Variants in GALNT18 observed in about 807,000 individuals in gnomAD.
GALNT18 encodes GalNAc-transferase 18.
GALNT18 carries 44 observed loss-of-function variants against 69.5 expected under a neutral mutation model. The ratio of observed to expected loss-of-function variants is 0.63; its 90% CI spans 0.50 to 0.81. The LOEUF (loss-of-function observed/expected upper bound fraction) is 0.81. GALNT18 is among the 40% of genes least tolerant of loss of function. GALNT18 has a pLI of 0.00. For missense variants in GALNT18, 715 were observed against 810.0 expected (o/e 0.88, Z 1.42); for synonymous variants, 364 against 318.2 (o/e 1.14, Z -1.53).
At chr11:11,273,288 G>A (rs1369745271) in intron 10 of GALNT18, among the ~76,000 whole-genome samples, 2 of 152,274 alleles carry the variant, frequency 1.3e-5, no homozygotes, top group East Asian at 3.9e-4. Flanking sequence ...GAAAATATTT[G>A]CAAACTACCC....
chr11:11,540,842 A>AGATATGGTGG lies in GALNT18; in HGVS notation c.235+80507_235+80516dup, dbSNP rs530218527. On this transcript the variant is annotated intron_variant, in intron 1 of 10. Transcript: ENST00000227756. This position sits in a 1 kb window ranked among gnomAD's most constrained non-coding sequence, Gnocchi z 4.6. ...AGAAACAGGTAATTGGCAGGAAGGT[A>AGATATGGTGG]GATATGGTGGTGGTGCTGTCTATTC... Among the ~76,000 whole-genome samples, 295 of 152,314 alleles carry AGATATGGTGG rather than the reference A, an allele frequency of 1.9e-3. No homozygotes were observed. The highest frequency in any genetic ancestry group is 6.7e-3 in the African/African-American group (278 of 41,574).
Position 11,505,341 on chromosome 11 carries a change from T to A in GALNT18, c.236-56405A>T, listed in dbSNP as rs1346714460. Reference sequence around the variant, plus strand: ...CAGGAAAGGACAGACCACACTAAGATAACAGTGTGAGTTACCAGATTCTTG... The same window carrying A: ...CAGGAAAGGACAGACCACACTAAGAAAACAGTGTGAGTTACCAGATTCTTG... On this transcript the variant is annotated intron_variant, in intron 1 of 10. Coordinates refer to ENST00000227756, the MANE Select transcript of GALNT18 (RefSeq NM_198516.3). The surrounding 1 kb of genome is among the most constrained non-coding windows in gnomAD (Gnocchi z 4.6). Among the ~76,000 whole-genome samples, 1 of 150,630 alleles carries A rather than the reference T, an allele frequency of 6.6e-6. No individual in the cohort carries two copies. The highest frequency in any genetic ancestry group is 1.9e-4 in the East Asian group (1 of 5,188).
At chr11:11,278,793 A>G (rs1849003183) in intron 10 of GALNT18, among the ~76,000 whole-genome samples, 1 of 152,188 alleles carries the variant, frequency 6.6e-6, no homozygotes, top group Admixed American at 6.5e-5. Context: ...TAGTAATGCA[A>G]CAGGGTAACT....
chr11:11,580,158 C>T (rs1859041426), intron 1 of GALNT18, among the ~76,000 whole-genome samples: 1 of 152,226 alleles, frequency 6.6e-6, no homozygotes, highest in Non-Finnish European at 1.5e-5. Flanking sequence ...GCCACTAACT[C>T]ACCATTGTGA....
intron 6 of GALNT18, among the ~76,000 whole-genome samples, chr11:11,354,769 C>A (rs1269236367): frequency 6.6e-6 from 1 of 152,176 alleles, no homozygotes; most frequent in Admixed American, 6.5e-5. Flanking sequence ...GTCTCACCTT[C>A]ACTCTCATGT....
rs934446718 is a variant in GALNT18, at chr11:11,461,156, C to T, written c.236-12220G>A. Reference sequence around the variant, plus strand: ...CAGATACTACAGGATGATCTCTCTCCGTCAGAAAAATCCCACTCCACTCCT... The same window carrying T: ...CAGATACTACAGGATGATCTCTCTCTGTCAGAAAAATCCCACTCCACTCCT... On this transcript the variant is annotated intron_variant, in intron 1 of 10. Coordinates refer to ENST00000227756, the MANE Select transcript of GALNT18 (RefSeq NM_198516.3). The surrounding 1 kb of genome is among the most constrained non-coding windows in gnomAD (Gnocchi z 4.1). Among the ~76,000 whole-genome samples the T allele has an allele frequency of 3.9e-5, 6 of 152,136 alleles. No individual in the cohort carries two copies. Among genetic ancestry groups the T allele is most frequent in the East Asian group, 1.9e-4 (1 of 5,190 alleles).
At chr11:11,556,985 T>A (rs964849317) in intron 1 of GALNT18, among the ~76,000 whole-genome samples, 4 of 152,204 alleles carry the variant, frequency 2.6e-5, no homozygotes, top group African/African-American at 9.6e-5. Context: ...ATAACATTAG[T>A]CTGCCCAGGA....
intron 1 of GALNT18, among the ~76,000 whole-genome samples, chr11:11,451,813 T>A (rs896934806): frequency 1.3e-5 from 2 of 152,078 alleles, no homozygotes; most frequent in African/African-American, 4.8e-5. Flanking sequence ...AGTGAAAAGG[T>A]TAAATGTCTA....
chr11:11,409,615 T>C (rs77482422), intron 3 of GALNT18, among the ~76,000 whole-genome samples: 4,268 of 127,252 alleles, frequency 0.034, 89 homozygotes, highest in Middle Eastern at 0.053. Flanking sequence ...CCCAGCTCCA[T>C]GCTCTCCCCA....
chr11:11,428,579 C>T (rs1374535321), intron 3 of GALNT18, among the ~76,000 whole-genome samples: 8 of 152,232 alleles, frequency 5.3e-5, no homozygotes. Flanking sequence ...GGAGGCAACT[C>T]TTGCTTCTGT....
chr11:11,546,074 T>C lies in GALNT18; in HGVS notation c.235+75285A>G, dbSNP rs1481610675. On this transcript the variant is annotated intron_variant, in intron 1 of 10. Coordinates refer to ENST00000227756, the MANE Select transcript of GALNT18 (RefSeq NM_198516.3). This position sits in a 1 kb window ranked among gnomAD's most constrained non-coding sequence, Gnocchi z 5.8. ...TTAGGCCCCTCTTCTCCCCAGCCAC[T>C]CAGCCAAGCTGCCACTATAATTCCT... Among the ~76,000 whole-genome samples, 6 of 152,060 alleles carry C rather than the reference T, an allele frequency of 3.9e-5. No homozygotes were observed. The highest frequency in any genetic ancestry group is 7.4e-5 in the Non-Finnish European group (5 of 68,004).
intron 3 of GALNT18, among the ~76,000 whole-genome samples, chr11:11,393,911 C>T (rs139200629): frequency 3.4e-4 from 52 of 152,354 alleles, no homozygotes; most frequent in African/African-American, 1.1e-3. Context: ...CTCCTTCTCA[C>T]TTCATGTCCT....
At chr11:11,510,394 G>A (rs529051741) in intron 1 of GALNT18, among the ~76,000 whole-genome samples, 15 of 152,282 alleles carry the variant, frequency 9.9e-5, no homozygotes, top group South Asian at 2.1e-4. Flanking sequence ...ACCCTGGGTC[G>A]TCTCTGTGAT....
chr11:11,506,802 TG>T (rs1429280749), intron 1 of GALNT18, among the ~76,000 whole-genome samples: 5 of 152,194 alleles, frequency 3.3e-5, no homozygotes, highest in Non-Finnish European at 5.9e-5. Flanking sequence ...GGTACAGCCC[TG>T]GTATCCTGGA....
chr11:11,506,699 T>C (rs1449182284), intron 1 of GALNT18, among the ~76,000 whole-genome samples: 1 of 152,182 alleles, frequency 6.6e-6, no homozygotes. Context: ...TGAAGGCATG[T>C]GAAATAACTC....
At chr11:11,431,862 A>G (rs927001133) in intron 3 of GALNT18, among the ~76,000 whole-genome samples, 7 of 152,218 alleles carry the variant, frequency 4.6e-5, no homozygotes, top group African/African-American at 1.7e-4. Context: ...ATTCATATAA[A>G]TGGTCCTATC....
At chr11:11,503,698 C>T (rs1373134725) in intron 1 of GALNT18, among the ~76,000 whole-genome samples, 5 of 152,220 alleles carry the variant, frequency 3.3e-5, no homozygotes, top group African/African-American at 9.6e-5. Flanking sequence ...GTATTCCCTG[C>T]GGATTATGAG....
intron 1 of GALNT18, among the ~76,000 whole-genome samples, chr11:11,547,486 G>T (rs1293488910): frequency 6.6e-6 from 1 of 152,212 alleles, no homozygotes; most frequent in South Asian, 2.1e-4. Context: ...CATGGCCTGG[G>T]CCTCTATGAA....
rs1375430883 is a variant in GALNT18 at position 11,621,978 on chromosome 11, G to C, written c.-385C>G. The C allele has an allele frequency of 3.5e-5, 6 of 170,802 alleles. No individual in the cohort carries two copies. Among genetic ancestry groups the C allele is most frequent in the African/African-American group, 1.2e-4 (5 of 41,918 alleles). 10.6% of individuals were successfully genotyped at this position (170,802 alleles called of 1,614,324 possible). ...CCAGCGCCGGCTGCCTTGGCGGTCC[G>C]ACCGGCCCGCGCTGCTAGGAGAACA... On this transcript the variant is annotated 5_prime_UTR_variant, in exon 1 of 11. Coordinates refer to ENST00000227756, the MANE Select transcript of GALNT18 (RefSeq NM_198516.3). This position sits in a 1 kb window ranked among gnomAD's most constrained non-coding sequence, Gnocchi z 9.3.
Sources: gnomAD v4.1 joint callset for allele counts (sites outside exome capture counted in the v4.1 genomes callset) on GRCh38, gnomAD v4.1.1 for gene constraint, Gnocchi (gnomAD v3.1) non-coding constraint, MANE v1.5 for transcripts, NCBI Gene and HGNC (gene_info 2026-07-23, HGNC 2026-07-21) for gene names.